Variants in RXRA observed in about 807,000 individuals in gnomAD.
The protein encoded by RXRA is retinoic acid receptor RXR-alpha.
RXRA carries 5 observed loss-of-function variants against 44.5 expected under a neutral mutation model. The observed-to-expected ratio is 0.11, with a 90% CI of 0.06 to 0.24. The LOEUF is 0.24. Among genes scored for constraint, RXRA ranks in the 10% least tolerant of loss-of-function variants. The pLI is 1.00. For missense variants in RXRA, 412 were observed against 646.5 expected, an observed-to-expected ratio of 0.64 and a Z score of 3.93; for synonymous variants, 291 against 271.4, an observed-to-expected ratio of 1.07 and a Z score of -0.71.
intron 4 of RXRA, among the ~76,000 whole-genome samples, chr9:134,413,734 C>A (rs556526354): frequency 1.1e-3 from 168 of 152,290 alleles, no homozygotes; most frequent in African/African-American, 3.8e-3. Flanking sequence ...TCCTGCTTGA[C>A]CCTGAGGGGC....
intron 1 of RXRA, among the ~76,000 whole-genome samples, chr9:134,338,590 C>T (rs1364217032): frequency 1.3e-5 from 2 of 152,242 alleles, no homozygotes; most frequent in African/African-American, 4.8e-5. Context: ...GTTAGGCCTC[C>T]TGCCTAGGAA....
intron 6 of RXRA, chr9:134,423,544 T>G (rs1003466251): frequency 1.0e-6 from 1 of 985,264 alleles, no homozygotes; most frequent in Non-Finnish European, 1.2e-6. Context: ...GCCACCCTCC[T>G]GGAAGGACTC....
At chr9:134,335,835 A>G (rs1829993304) in intron 1 of RXRA, among the ~76,000 whole-genome samples, 1 of 151,912 alleles carries the variant, frequency 6.6e-6, no homozygotes, top group African/African-American at 2.4e-5. Context: ...CCTACCACCT[A>G]TTCCTATACC....
chr9:134,390,653 C>T (rs754153510), intron 1 of RXRA, among the ~76,000 whole-genome samples: 9 of 152,202 alleles, frequency 5.9e-5, no homozygotes, highest in African/African-American at 1.7e-4. Context: ...GGGCTGGTGT[C>T]GTTGAGCTCC....
intron 6 of RXRA, chr9:134,422,338 T>TACCCACTCCCGGGACACA (rs770996154): frequency 9.0e-5 from 115 of 1,275,974 alleles, no homozygotes; most frequent in Non-Finnish European, 8.4e-5. Flanking sequence ...CCTGGGACAC[T>TACCCACTCCCGGGACACA]ACCCCCTCCC....
chr9:134,435,615 G>A (rs1482946529), intron 9 of RXRA, among the ~76,000 whole-genome samples: 1 of 152,140 alleles, frequency 6.6e-6, no homozygotes, highest in Non-Finnish European at 1.5e-5. Flanking sequence ...TTATGGAAAG[G>A]GTCTTGCACC....
intron 4 of RXRA, 77 bp downstream of exon 4, chr9:134,409,196 G>A (rs1010260446): frequency 8.1e-6 from 11 of 1,365,812 alleles, no homozygotes; most frequent in East Asian, 2.6e-5. Flanking sequence ...GTGGACACCC[G>A]AGATGGACAA....
chr9:134,401,082 A>G (rs980008867), intron 1 of RXRA, among the ~76,000 whole-genome samples: 1 of 152,222 alleles, frequency 6.6e-6, no homozygotes, highest in Non-Finnish European at 1.5e-5. Context: ...GGCTTCCCGC[A>G]TCTGTAAAAT....
chr9:134,363,849 G>A (rs895029274), intron 1 of RXRA, among the ~76,000 whole-genome samples: 9 of 152,174 alleles, frequency 5.9e-5, no homozygotes, highest in African/African-American at 1.2e-4. Context: ...TCCTCATCCC[G>A]ACCTCAGCTC....
chr9:134,337,699 G>A lies in RXRA; in HGVS notation c.28+11040G>A, dbSNP rs116312646. Among the ~76,000 whole-genome samples, 1,078 of 152,250 alleles carry A rather than the reference G, an allele frequency of 7.1e-3. 12 individuals are homozygous for A. The highest frequency in any genetic ancestry group is 0.025 in the African/African-American group (1,033 of 41,526). The stretch of plus-strand genomic sequence containing the variant: ...AGGAGTTGGCCTGGGAAAAGCCAAT[G>A]TCTCGTCCTCACACCTGTGTCTTCA... On this transcript the variant is annotated intron_variant, in intron 1 of 9. Coordinates refer to ENST00000481739, the MANE Select transcript of RXRA (RefSeq NM_002957.6).
chr9:134,413,359 C>CTG (rs971698296), intron 4 of RXRA, among the ~76,000 whole-genome samples: 1 of 151,614 alleles, frequency 6.6e-6, no homozygotes, highest in African/African-American at 2.4e-5. Flanking sequence ...CTCTGTGTGT[C>CTG]TGTGTGTGTA....
chr9:134,336,745 C>T (rs868908824), intron 1 of RXRA, among the ~76,000 whole-genome samples: 2 of 152,218 alleles, frequency 1.3e-5, no homozygotes, highest in African/African-American at 4.8e-5. Flanking sequence ...GTTTGTGGCA[C>T]GAATTCATGT....
In RXRA at chr9:134,343,916, T is replaced by A. The variant is rs1830117999; in HGVS notation, c.28+17257T>A. 6.6e-6 allele frequency among the ~76,000 whole-genome samples: 1 copy of A among 152,146 alleles called. No individual in the cohort carries two copies. ...CCTTCTGGCCGGTCATTGGCCCTCG[T>A]GGCCCTACCACAGTGGGGTGGGCAT... On this transcript the variant is annotated intron_variant, in intron 1 of 9. Coordinates refer to ENST00000481739, the MANE Select transcript of RXRA (RefSeq NM_002957.6). The surrounding 1 kb of genome is among the most constrained non-coding windows in gnomAD (Gnocchi z 4.1).
intron 1 of RXRA, among the ~76,000 whole-genome samples, chr9:134,390,113 C>G (rs900612146): frequency 6.6e-6 from 1 of 152,284 alleles, no homozygotes; most frequent in East Asian, 1.9e-4. Context: ...GCCTGCATTC[C>G]CCGGCAGGAT....
chr9:134,389,967 G>A (rs547869161), intron 1 of RXRA, among the ~76,000 whole-genome samples: 1 of 151,726 alleles, frequency 6.6e-6, no homozygotes, highest in African/African-American at 2.4e-5. Context: ...CCAGCGGCTC[G>A]TCCCCTCCTG....
At chr9:134,427,109 G>T in intron 6 of RXRA, 1 of 984,632 alleles carries the variant, frequency 1.0e-6, no homozygotes, top group African/African-American at 1.7e-5. Flanking sequence ...AGATTGAGGG[G>T]GCCTCTTCTA....
At chr9:134,402,856 T>C (rs12349652) in intron 2 of RXRA, 16,363 of 151,126 alleles carry the variant, frequency 0.11, 2,881 homozygotes, top group African/African-American at 0.37. Context: ...CACCCTGTGT[T>C]CCTAGTAGCT....
At chr9:134,409,416 C>A (rs10114634) in intron 4 of RXRA, among the ~76,000 whole-genome samples, 9,539 of 152,290 alleles carry the variant, frequency 0.063, 393 homozygotes, top group African/African-American at 0.12. Flanking sequence ...GCGGGGGCAT[C>A]TTCTGAGCTG....
intron 1 of RXRA, among the ~76,000 whole-genome samples, chr9:134,374,779 T>C (rs1830532630): frequency 6.6e-6 from 1 of 152,196 alleles, no homozygotes; most frequent in South Asian, 2.1e-4. Context: ...TCTAACCTAT[T>C]TGGGGAAGCA....
Sources: allele counts gnomAD v4.1 joint callset (sites outside exome capture counted in the v4.1 genomes callset), GRCh38; gene constraint gnomAD v4.1.1; non-coding constraint Gnocchi (gnomAD v3.1); transcripts MANE v1.5; gene names NCBI Gene and HGNC (gene_info 2026-07-23, HGNC 2026-07-21).